The following PPIP5K1 variants were observed in gnomAD, a reference collection of about 807,000 sequenced individuals.
The protein encoded by PPIP5K1 is inositol hexakisphosphate and diphosphoinositol-pentakisphosphate kinase 1.
Under a neutral mutation model 27.7 loss-of-function variants are expected in PPIP5K1, and 6 were observed. The observed-to-expected ratio is 0.22, with a 90% CI of 0.12 to 0.43. PPIP5K1 has a LOEUF of 0.43. PPIP5K1 is among the 20% of genes least tolerant of loss of function. The pLI, the probability that PPIP5K1 is intolerant of heterozygous loss-of-function variation, is 1.00. For missense variants in PPIP5K1, 394 were observed against 635.4 expected, an observed-to-expected ratio of 0.62 and a Z score of 4.08; for synonymous variants, 145 against 242.6, an observed-to-expected ratio of 0.60 and a Z score of 3.74.
At chr15:43,542,286 T>C (rs2080827887) in intron 30 of PPIP5K1, among the ~76,000 whole-genome samples, 1 of 117,434 alleles carries the variant, frequency 8.5e-6, no homozygotes, top group African/African-American at 2.8e-5. Flanking sequence ...ATTTGTCTTA[T>C]TTACTTAATT....
chr15:43,534,759 C>T lies in PPIP5K1; in HGVS notation c.4388G>A (p.Gly1463Asp). The T allele has an allele frequency of 1.3e-6, 2 of 1,563,548 alleles. No individual in the cohort carries two copies. The highest frequency in any genetic ancestry group is 1.7e-6 in the Non-Finnish European group (2 of 1,156,670). Residue 1463 changes from glycine to aspartate, a missense_variant, in exon 32 of 32, where the codon GGC becomes GAC. By Grantham distance (94) the Gly-to-Asp change is moderately conservative. Coordinates refer to ENST00000420765, the MANE Select transcript of PPIP5K1 (RefSeq NM_001394395.1). ...GGATGGTTTATCAATCTCAGGGATG[C>T]CCTGAGATAACAGATTGATCGCAGA... ...ETSAINLLSQGIPEIDKPSQE... is the reference protein window; with the variant it reads ...ETSAINLLSQDIPEIDKPSQE...
rs778322545 is a variant in PPIP5K1 at position 43,556,407 on chromosome 15, T to C, written c.3556+2388A>G. ...CCCTAGCACCTTTGGAAGGCCGAGG[T>C]GGGTGGATCACCCAAGGTCAGGAGT... is the stretch of plus-strand genomic sequence containing the variant. On this transcript the variant is annotated intron_variant, in intron 30 of 31. Transcript: ENST00000420765. Among the ~76,000 whole-genome samples, 73 of 151,374 alleles carry C rather than the reference T, an allele frequency of 4.8e-4. No homozygotes were observed. The Middle Eastern group carries it at 0.014, about 28-fold the overall frequency.
At chr15:43,565,520 C>A (rs1399397518) in intron 26 of PPIP5K1, among the ~76,000 whole-genome samples, 2 of 143,966 alleles carry the variant, frequency 1.4e-5, no homozygotes, top group Non-Finnish European at 3.0e-5. Context: ...GGCCTTTTGA[C>A]CTTTCCCAAG....
At chr15:43,549,045 AAAAAAAAAAAAATATATAT>A (rs2081807874) in intron 30 of PPIP5K1, among the ~76,000 whole-genome samples, 1 of 101,688 alleles carries the variant, frequency 9.8e-6, no homozygotes, top group Admixed American at 1.0e-4. Flanking sequence ...AAAAAAAAAA[AAAAAAAAAAAAATATATAT>A]ATATATATAT....
intron 29 of PPIP5K1, among the ~76,000 whole-genome samples, chr15:43,559,943 G>T (rs1421852828): frequency 2.8e-4 from 43 of 151,846 alleles, no homozygotes; most frequent in African/African-American, 9.9e-4. Flanking sequence ...AACTCAAAAG[G>T]ATTATAGCCT....
intron 30 of PPIP5K1, among the ~76,000 whole-genome samples, chr15:43,540,110 G>A (rs1014908547): frequency 2.6e-5 from 4 of 152,082 alleles, no homozygotes; most frequent in South Asian, 2.1e-4. Context: ...AAAATGAGCC[G>A]GCATGGTGGC....
At chr15:43,539,725 C>T (rs496584) in intron 30 of PPIP5K1, 142 bp from the exon 31 acceptor site, 105,421 of 585,314 alleles carry the variant, frequency 0.18, 16,682 homozygotes, top group African/African-American at 0.59. Flanking sequence ...GACCCTTCAA[C>T]CAAACCATTT....
intron 30 of PPIP5K1, among the ~76,000 whole-genome samples, chr15:43,543,136 G>C (rs991146573): frequency 2.0e-5 from 3 of 151,346 alleles, no homozygotes; most frequent in Non-Finnish European, 2.9e-5. Context: ...CTTGGTGGGG[G>C]TAACAAAATC....
chr15:43,558,124 C>T (rs1315143178), intron 30 of PPIP5K1, among the ~76,000 whole-genome samples: 3 of 147,188 alleles, frequency 2.0e-5, no homozygotes, highest in South Asian at 2.1e-4. Flanking sequence ...TGCAGTGGTG[C>T]GATCTTGGCT....
intron 30 of PPIP5K1, among the ~76,000 whole-genome samples, chr15:43,547,109 T>C (rs2081467928): frequency 6.6e-6 from 1 of 152,214 alleles, no homozygotes; most frequent in Non-Finnish European, 1.5e-5. Context: ...GGGTATGAAG[T>C]GGTATGTCAC....
chr15:43,538,255 C>T (rs2080172483), intron 31 of PPIP5K1, among the ~76,000 whole-genome samples: 1 of 152,182 alleles, frequency 6.6e-6, no homozygotes, highest in South Asian at 2.1e-4. Context: ...AGTTATTCCC[C>T]GGAGGCAGGA....
At chr15:43,557,707 C>G (rs2083174248) in intron 30 of PPIP5K1, among the ~76,000 whole-genome samples, 1 of 151,872 alleles carries the variant, frequency 6.6e-6, no homozygotes, top group African/African-American at 2.4e-5. Context: ...TCTGTCCACC[C>G]AGGCTGGAGC....
Position 43,534,809 on chromosome 15 carries a change from C to T in PPIP5K1, c.4338G>A (p.Glu1446=), listed in dbSNP as rs1302081929. 3 of 1,606,274 alleles carry T rather than the reference C, an allele frequency of 1.9e-6. No individual in the cohort carries two copies. The highest frequency in any genetic ancestry group is 4.5e-5 in the East Asian group (2 of 44,806). Residue 1446 remains glutamate, a synonymous_variant, in exon 32 of 32, where the codon GAG becomes GAA. Coordinates refer to ENST00000420765, the MANE Select transcript of PPIP5K1 (RefSeq NM_001394395.1). ...AAGTCTCCTGGGCCAGCCTGCCAAC[C>T]TCCACAGAGAACTCCTGGTATGGCT... ...VIQPYQEFSV[E]VGRLAQETSA... is the part of the protein sequence containing the mutation.
At chr15:43,548,291 T>C (rs2081634231) in intron 30 of PPIP5K1, 1 of 152,010 alleles carries the variant, frequency 6.6e-6, no homozygotes, top group African/African-American at 2.4e-5. Flanking sequence ...TATTTTTTAA[T>C]AGAGACAGGG....
At chr15:43,554,149 T>C (rs1481429273) in intron 30 of PPIP5K1, among the ~76,000 whole-genome samples, 2 of 152,148 alleles carry the variant, frequency 1.3e-5, no homozygotes, top group Non-Finnish European at 2.9e-5. Context: ...AAAAATAAAA[T>C]AAATAAAAGT....
At position 43,535,092 on chromosome 15, in the gene PPIP5K1, T is replaced by C. The variant is rs752136856; in HGVS notation, c.4055A>G (p.Asn1352Ser). The part of the protein sequence containing the change: ...ISQQCQENHD[N>S]GNHTCQEVPH... ...GACCTCCTGGCATGTGTGGTTACCA[T>C]TGTCATGGTTCTCCTGGCATTGCTG... Residue 1352 changes from asparagine (N) to serine (S), a missense_variant, in exon 32 of 32, where the codon AAT (asparagine) becomes AGT (serine). By Grantham distance (46) the Asn-to-Ser change is conservative. Around this residue, in one of 4 missense-constraint regions of PPIP5K1, gnomAD observed 379 missense variants for 423.9 expected, o/e 0.89. Transcript: ENST00000420765. 5.0e-6 allele frequency: 8 copies of C among 1,613,880 alleles called. No homozygotes were observed. The highest frequency in any genetic ancestry group is 6.8e-6 in the Non-Finnish European group (8 of 1,179,978).
At chr15:43,554,724 A>G (rs1257117036) in intron 30 of PPIP5K1, among the ~76,000 whole-genome samples, 2 of 152,038 alleles carry the variant, frequency 1.3e-5, no homozygotes, top group African/African-American at 2.4e-5. Flanking sequence ...GAATATTACT[A>G]AAATTACAGT....
chr15:43,549,221 T>G (rs893108492), intron 30 of PPIP5K1, among the ~76,000 whole-genome samples: 1 of 151,464 alleles, frequency 6.6e-6, no homozygotes, highest in Non-Finnish European at 1.5e-5. Context: ...CTTCCTTAAT[T>G]TCTTTCAGCA....
Position 43,538,669 on chromosome 15 carries a change from G to C in PPIP5K1, c.3670+801C>G, listed in dbSNP as rs540918751. Among the ~76,000 whole-genome samples the C allele has an allele frequency of 2.6e-5, 4 of 152,152 alleles. No individual in the cohort carries two copies. The South Asian group carries it at 8.3e-4, about 32-fold the overall frequency. On this transcript the variant is annotated intron_variant, in intron 31 of 31. Coordinates refer to ENST00000420765, the MANE Select transcript of PPIP5K1 (RefSeq NM_001394395.1). ...TGGGACTACAGGCACCCACCACCACGCTCGGCTAATTTTTTGTATTTTTAG... is the reference window on the plus strand; with the variant it reads ...TGGGACTACAGGCACCCACCACCACCCTCGGCTAATTTTTTGTATTTTTAG...
Sources: gnomAD v4.1 joint callset for allele counts (sites outside exome capture counted in the v4.1 genomes callset) on GRCh38, gnomAD v4.1.1 for gene constraint, gnomAD v4.1.1 regional missense constraint, MANE v1.5 for transcripts, NCBI Gene and HGNC (gene_info 2026-07-23, HGNC 2026-07-21) for gene names.